Variants in RTL4 observed in about 807,000 individuals in gnomAD.
The protein encoded by RTL4 is retrotransposon Gag-like protein 4.
A neutral mutation model predicts 5.3 loss-of-function variants in RTL4; 4 were observed. The observed-to-expected ratio is 0.75, with a 90% CI of 0.37 to 1.72. RTL4 has a LOEUF of 1.72. RTL4 is among the 40% of genes most tolerant of loss of function. The probability of loss-of-function intolerance (pLI) is 0.04; values close to 1 mark genes in which losing one functional copy is unlikely to be tolerated. For synonymous variants in RTL4, 98 were observed against 87.3 expected (o/e 1.12, Z -0.68); for missense variants, 260 against 227.1 (o/e 1.14, Z -0.93).
the RTL4 span, among the ~76,000 whole-genome samples, chrX:112,335,623 C>G: frequency 9.1e-6 from 1 of 110,275 alleles, no homozygotes; most frequent in Non-Finnish European, 1.9e-5. Flanking sequence ...TCCATAACTT[C>G]TAAGTATTTT....
At chrX:112,245,286 G>A in the RTL4 span, among the ~76,000 whole-genome samples, 1 of 111,741 alleles carries the variant, frequency 8.9e-6, no homozygotes, top group South Asian at 3.8e-4. Flanking sequence ...ATCCTGAAGT[G>A]TGTTTTCCAG....
At chrX:112,140,466 C>T in the RTL4 span, among the ~76,000 whole-genome samples, 1 of 111,802 alleles carries the variant, frequency 8.9e-6, no homozygotes, top group African/African-American at 3.3e-5. Context: ...TAATTAAAAG[C>T]AACAGAAATG....
At chrX:112,260,513 T>C in the RTL4 span, among the ~76,000 whole-genome samples, 1 of 111,827 alleles carries the variant, frequency 8.9e-6, no homozygotes, top group Non-Finnish European at 1.9e-5. Flanking sequence ...CCACAGAGTA[T>C]TGATAATGGT....
At chrX:112,294,018 A>G in the RTL4 span, among the ~76,000 whole-genome samples, 1 of 112,105 alleles carries the variant, frequency 8.9e-6, no homozygotes, top group South Asian at 3.7e-4. Flanking sequence ...GTTCTTTATA[A>G]ATAAAACCTG....
chrX:112,211,709 G>A, the RTL4 span, among the ~76,000 whole-genome samples: 1 of 111,802 alleles, frequency 8.9e-6, no homozygotes, highest in African/African-American at 3.3e-5. Context: ...TTACCTAGAT[G>A]TTAGTTCCTC....
the RTL4 span, among the ~76,000 whole-genome samples, chrX:112,203,189 C>T: frequency 9.0e-6 from 1 of 110,654 alleles, no homozygotes; most frequent in Non-Finnish European, 1.9e-5. Flanking sequence ...CGAATATTTT[C>T]TCTCCACCTG....
At chrX:112,428,950 A>G in the RTL4 span, among the ~76,000 whole-genome samples, 1 of 111,559 alleles carries the variant, frequency 9.0e-6, no homozygotes, top group African/African-American at 3.3e-5. Context: ...GCTGTGTCTT[A>G]AATTAATATA....
At chrX:112,435,195 C>T in the RTL4 span, among the ~76,000 whole-genome samples, 1 of 111,271 alleles carries the variant, frequency 9.0e-6, no homozygotes, top group Non-Finnish European at 1.9e-5. Flanking sequence ...AGAGCCAAAA[C>T]CATATTACTG....
At chrX:112,341,914 TG>T in the RTL4 span, among the ~76,000 whole-genome samples, 206 of 111,630 alleles carry the variant, frequency 1.8e-3, no homozygotes, top group African/African-American at 6.4e-3. Flanking sequence ...CTCCTGGCCT[TG>T]GTAGGTGACA....
the RTL4 span, among the ~76,000 whole-genome samples, chrX:112,433,218 G>GT: frequency 1.8e-5 from 2 of 110,557 alleles, no homozygotes; most frequent in African/African-American, 6.6e-5. Flanking sequence ...GATGCGGGCT[G>GT]TTTTTTGGTT....
At chrX:112,233,565 C>A in the RTL4 span, among the ~76,000 whole-genome samples, 1 of 111,431 alleles carries the variant, frequency 9.0e-6, no homozygotes, top group Non-Finnish European at 1.9e-5. Context: ...CTTTAAAAAT[C>A]TTTCTATTTT....
chrX:112,167,999 T>G, the RTL4 span, among the ~76,000 whole-genome samples: 1 of 111,768 alleles, frequency 8.9e-6, no homozygotes, highest in Admixed American at 9.6e-5. Flanking sequence ...AAGATATCAG[T>G]CCATGTCTAT....
At chrX:112,406,904 G>A in the RTL4 span, among the ~76,000 whole-genome samples, 22 of 109,829 alleles carry the variant, frequency 2.0e-4, no homozygotes, top group Non-Finnish European at 3.8e-4. Flanking sequence ...TGCTGGGACA[G>A]AAGGGTACCT....
chrX:112,230,306 G>A, the RTL4 span, among the ~76,000 whole-genome samples: 26 of 112,458 alleles, frequency 2.3e-4, no homozygotes, highest in South Asian at 3.7e-4. Context: ...GTGAGGCTCC[G>A]TGGGCATAGG....
chrX:112,222,344 T>C, the RTL4 span, among the ~76,000 whole-genome samples: 1 of 111,605 alleles, frequency 9.0e-6, no homozygotes, highest in Admixed American at 9.5e-5. Context: ...AATAGGATTA[T>C]GGACTTGTGG....
At chrX:112,321,230 T>G in the RTL4 span, among the ~76,000 whole-genome samples, 10 of 111,835 alleles carry the variant, frequency 8.9e-5, no homozygotes, top group Admixed American at 8.6e-4. Flanking sequence ...AATATAGCAT[T>G]GTATTAAAAT....
At chrX:112,330,200 G>A in the RTL4 span, among the ~76,000 whole-genome samples, 1 of 106,833 alleles carries the variant, frequency 9.4e-6, no homozygotes, top group African/African-American at 3.5e-5. Context: ...TATTCAATTA[G>A]GAAAAGAGGA....
At chrX:112,385,603 G>T in the RTL4 span, among the ~76,000 whole-genome samples, 8 of 111,679 alleles carry the variant, frequency 7.2e-5, no homozygotes, top group Admixed American at 3.8e-4. Flanking sequence ...CGTGACTATT[G>T]TATGTATCTG....
chrX:112,349,876 C>A, the RTL4 span, among the ~76,000 whole-genome samples: 2 of 109,068 alleles, frequency 1.8e-5, no homozygotes, highest in African/African-American at 3.3e-5. Flanking sequence ...GCCTAATTGC[C>A]CTGGCCAGAA....
Sources: gnomAD v4.1 joint callset for allele counts (sites outside exome capture counted in the v4.1 genomes callset) on GRCh38, gnomAD v4.1.1 for gene constraint, MANE v1.5 for transcripts, NCBI Gene and HGNC (gene_info 2026-07-23, HGNC 2026-07-21) for gene names.